HTRA1: variants seen among roughly 807,000 people sequenced by gnomAD.
HTRA1 encodes HtrA serine peptidase 1.
A neutral mutation model predicts 49.7 loss-of-function variants in HTRA1; 26 were observed. The ratio of observed to expected loss-of-function variants is 0.52; its 90% confidence interval spans 0.38 to 0.73. HTRA1 has a LOEUF of 0.73. Ranked by LOEUF, HTRA1 falls within the 30% of genes least tolerant of loss-of-function variation. The pLI, the probability that HTRA1 is intolerant of heterozygous loss-of-function variation, is 0.00. For missense variants in HTRA1, 561 were observed against 667.2 expected, an observed-to-expected ratio of 0.84 and a Z score of 1.75; for synonymous variants, 291 against 286.9, an observed-to-expected ratio of 1.01 and a Z score of -0.14.
At chr10:122,496,225 G>GTTATTTTTTTTTTTTTT (rs1287521208) in intron 3 of HTRA1, among the ~76,000 whole-genome samples, 1 of 80,384 alleles carries the variant, frequency 1.2e-5, no homozygotes, top group Non-Finnish European at 2.3e-5. Context: ...GAGATTGTGG[G>GTTATTTTTTTTTTTTTT]TTCTTTTTTT....
intron 3 of HTRA1, among the ~76,000 whole-genome samples, chr10:122,496,249 T>TTTTTTTTG (rs2097498702): frequency 8.5e-6 from 1 of 118,166 alleles, no homozygotes; most frequent in Non-Finnish European, 1.7e-5. Context: ...TTTTTTTTTT[T>TTTTTTTTG]TTTTTTTTTT....
intron 3 of HTRA1, among the ~76,000 whole-genome samples, chr10:122,504,215 GTGTT>G (rs2097502105): frequency 6.6e-6 from 1 of 152,230 alleles, no homozygotes; most frequent in Non-Finnish European, 1.5e-5. Flanking sequence ...TTCTCCAAAA[GTGTT>G]TGTCTCCTTG....
chr10:122,511,310 G>C (rs1591042126), intron 7 of HTRA1, among the ~76,000 whole-genome samples: 1 of 152,312 alleles, frequency 6.6e-6, no homozygotes, highest in Non-Finnish European at 1.5e-5. Flanking sequence ...AGGAAATGAA[G>C]GCACAGAGAA....
At chr10:122,468,864 C>T (rs559130990) in intron 1 of HTRA1, among the ~76,000 whole-genome samples, 1 of 152,110 alleles carries the variant, frequency 6.6e-6, no homozygotes, top group Non-Finnish European at 1.5e-5. Flanking sequence ...ACTGGGAATT[C>T]CTCACAAGGA....
chr10:122,465,836 C>T (rs916762601), intron 1 of HTRA1, among the ~76,000 whole-genome samples: 1 of 152,196 alleles, frequency 6.6e-6, no homozygotes, highest in African/African-American at 2.4e-5. Context: ...CCCAAAAGAC[C>T]AGCCGGGATT....
Position 122,514,563 on chromosome 10 carries a change from C to A in HTRA1, c.*204C>A. On this transcript the variant is annotated 3_prime_UTR_variant, in exon 9 of 9. Transcript: ENST00000368984. ...TGTTGCAGATCCGCAGGCAGAAGCT[C>A]TGCCCTTCTGTATCCTATGTATGCA... 1 of 608,414 alleles carries A rather than the reference C, an allele frequency of 1.6e-6. No individual in the cohort carries two copies. Among genetic ancestry groups the A allele is most frequent in the Admixed American group, 2.4e-5 (1 of 41,316 alleles). The allele number at this position is 608,414 out of a possible 1,614,324, so 37.7% of individuals were successfully genotyped here.
At chr10:122,508,053 G>A (rs1333156980) in intron 5 of HTRA1, among the ~76,000 whole-genome samples, 1 of 152,186 alleles carries the variant, frequency 6.6e-6, no homozygotes, top group African/African-American at 2.4e-5. Flanking sequence ...GGCCCAGTGT[G>A]ATGGCACCTC....
chr10:122,463,686 A>G (rs1201549239), intron 1 of HTRA1, among the ~76,000 whole-genome samples: 1 of 152,182 alleles, frequency 6.6e-6, no homozygotes, highest in Non-Finnish European at 1.5e-5. Context: ...CGTTTTACAG[A>G]TAGCGGAGCT....
intron 3 of HTRA1, among the ~76,000 whole-genome samples, chr10:122,495,007 G>A (rs2097497974): frequency 6.6e-6 from 1 of 152,006 alleles, no homozygotes; most frequent in Admixed American, 6.5e-5. Flanking sequence ...AGTGGACTGG[G>A]GTGGTGCTTG....
intron 1 of HTRA1, among the ~76,000 whole-genome samples, chr10:122,488,385 T>A (rs2097494019): frequency 6.6e-6 from 1 of 152,060 alleles, no homozygotes; most frequent in Non-Finnish European, 1.5e-5. Flanking sequence ...CTGGCCAACG[T>A]GGTGAAACCC....
At position 122,514,479 on chromosome 10, in the gene HTRA1, G is replaced by A; in HGVS notation, c.*120G>A. On this transcript the variant is annotated 3_prime_UTR_variant, in exon 9 of 9. Transcript: ENST00000368984. Reference sequence around the variant, plus strand: ...TTTTGACTGCCATTTTGTTTGTTCAGTGGAGACTCCCTGGCCAACAGAATC... The same window carrying A: ...TTTTGACTGCCATTTTGTTTGTTCAATGGAGACTCCCTGGCCAACAGAATC... 2.1e-6 allele frequency: 2 copies of A among 955,098 alleles called. No individual in the cohort carries two copies. The highest frequency in any genetic ancestry group is 2.4e-5 in the East Asian group (1 of 40,916). 59.2% of individuals were successfully genotyped at this position (955,098 alleles called of 1,614,324 possible).
intron 1 of HTRA1, among the ~76,000 whole-genome samples, chr10:122,469,189 A>G (rs372761879): frequency 6.6e-6 from 1 of 152,196 alleles, no homozygotes; most frequent in African/African-American, 2.4e-5. Context: ...TAGTTGTGCA[A>G]TAAAGATGGT....
intron 3 of HTRA1, among the ~76,000 whole-genome samples, chr10:122,495,410 A>C (rs2097498175): frequency 6.6e-6 from 1 of 152,198 alleles, no homozygotes; most frequent in Admixed American, 6.5e-5. Context: ...GACGGGAATC[A>C]ATATTTCATG....
At chr10:122,498,151 T>C (rs1001145334) in intron 3 of HTRA1, among the ~76,000 whole-genome samples, 2 of 152,178 alleles carry the variant, frequency 1.3e-5, no homozygotes, top group South Asian at 2.1e-4. Context: ...TCTTTCTCTG[T>C]TTTTGCACAC....
In HTRA1 at chr10:122,463,994, C is replaced by T. The variant is rs1286390190; in HGVS notation, c.472+1870C>T. Among the ~76,000 whole-genome samples, 4 of 152,160 alleles carry T rather than the reference C, an allele frequency of 2.6e-5. No individual in the cohort carries two copies. The South Asian group carries it at 8.3e-4, about 32-fold the overall frequency. On this transcript the variant is annotated intron_variant, in intron 1 of 8. Coordinates refer to ENST00000368984, the MANE Select transcript of HTRA1 (RefSeq NM_002775.5). ...CTGAAGAGGCTGGCTGTGCCCCGTGCCCTGTGCGCAGATGTTCTTGAACTG... is the reference window on the plus strand; with the variant it reads ...CTGAAGAGGCTGGCTGTGCCCCGTGTCCTGTGCGCAGATGTTCTTGAACTG...
In HTRA1 at chr10:122,465,191, T is replaced by C. The variant is rs12218299; in HGVS notation, c.472+3067T>C. ...CCGCTCTGGAAATGAAGGCAAATCA[T>C]CTATTTCAGAAGTCAATGCACTGGC... On this transcript the variant is annotated intron_variant, in intron 1 of 8. Coordinates refer to ENST00000368984, the MANE Select transcript of HTRA1 (RefSeq NM_002775.5). Among the ~76,000 whole-genome samples the C allele has an allele frequency of 0.011, 1,742 of 152,244 alleles. 80 individuals are homozygous for C. In the East Asian group the frequency reaches 0.16, roughly 14 times the overall value.
At chr10:122,470,679 T>A (rs1340760251) in intron 1 of HTRA1, among the ~76,000 whole-genome samples, 3 of 152,076 alleles carry the variant, frequency 2.0e-5, no homozygotes, top group Non-Finnish European at 4.4e-5. Context: ...ATACAAGGAA[T>A]ATGAAGGAGC....
At chr10:122,486,919 T>A (rs541812954) in intron 1 of HTRA1, among the ~76,000 whole-genome samples, 2 of 152,062 alleles carry the variant, frequency 1.3e-5, no homozygotes, top group Admixed American at 6.6e-5. Flanking sequence ...TGCATGTACA[T>A]CTGTGGGTGT....
At chr10:122,496,868 G>A (rs1394749878) in intron 3 of HTRA1, among the ~76,000 whole-genome samples, 1 of 152,152 alleles carries the variant, frequency 6.6e-6, no homozygotes, top group East Asian at 1.9e-4. Flanking sequence ...TTTCTGGTTA[G>A]CTAGTTTCTC....
Sources: gnomAD v4.1 joint callset for allele counts (sites outside exome capture counted in the v4.1 genomes callset) on GRCh38, gnomAD v4.1.1 for gene constraint, MANE v1.5 for transcripts, NCBI Gene and HGNC (gene_info 2026-07-23, HGNC 2026-07-21) for gene names.